LCP2: variants seen among roughly 807,000 people sequenced by gnomAD.
LCP2 encodes the protein lymphocyte cytosolic protein 2, also known as 76 kDa tyrosine phosphoprotein.
Under a neutral mutation model 74.5 loss-of-function variants are expected in LCP2, and 29 were observed. That is an observed-to-expected ratio of 0.39 (90% confidence interval 0.29 to 0.53). The LOEUF is 0.53. Ranked by LOEUF, LCP2 falls within the 20% of genes least tolerant of loss-of-function variation. The pLI, the probability that LCP2 is intolerant of heterozygous loss-of-function variation, is 0.72. For missense variants in LCP2, 604 were observed against 634.6 expected, an observed-to-expected ratio of 0.95 and a Z score of 0.52; for synonymous variants, 228 against 229.5, an observed-to-expected ratio of 0.99 and a Z score of 0.06.
Position 170,256,682 on chromosome 5 carries a change from C to T in LCP2, c.1101-107G>A, listed in dbSNP as rs570067703. 1.3e-6 allele frequency: 1 copy of T among 792,098 alleles called. No individual in the cohort carries two copies. Among genetic ancestry groups the T allele is most frequent in the African/African-American group, 1.7e-5 (1 of 59,172 alleles). 49.1% of individuals were successfully genotyped at this position (792,098 alleles called of 1,614,324 possible). On this transcript the variant is annotated intron_variant, in intron 16 of 20. Transcript: ENST00000046794. This position sits in a 1 kb window ranked among gnomAD's most constrained non-coding sequence, Gnocchi z 4.5. The stretch of plus-strand genomic sequence containing the variant: ...CTGCAAATGCTTCTTGATTTGGTAT[C>T]ACTTTCCCTGCTGCCCCCAAAACCA...
Position 170,253,147 on chromosome 5 carries a change from G to C in LCP2, c.1217C>G (p.Pro406Arg). The C allele has an allele frequency of 6.2e-7, 1 of 1,611,944 alleles. No individual in the cohort carries two copies. The highest frequency in any genetic ancestry group is 8.5e-7 in the Non-Finnish European group (1 of 1,178,950). The change falls in exon 18 of 21, where the codon CCT becomes CGT. Residue 406 changes from proline (P) to arginine (R), a missense_variant. Pro to Arg is a moderately radical substitution (Grantham distance 103, BLOSUM62 -2). Coordinates refer to ENST00000046794, the MANE Select transcript of LCP2 (RefSeq NM_005565.5). ...TTCCTCCGCGGGGGATGGGGGCCGA[G>C]GTTTGTTTGGAAGTGGCAAGGGGAA... ...RNFPLPLPNK[P>R]RPPSPAEEEN...
chr5:170,253,251 A>C (rs1761487416), intron 17 of LCP2, 38 bp from the exon 18 acceptor site: 7 of 1,376,936 alleles, frequency 5.1e-6, no homozygotes, highest in African/African-American at 1.4e-5. Context: ...AATTTACTGT[A>C]AGCTATTGTT....
chr5:170,294,431 C>T (rs181463656), intron 1 of LCP2, among the ~76,000 whole-genome samples: 3 of 152,258 alleles, frequency 2.0e-5, no homozygotes, highest in South Asian at 4.1e-4. Flanking sequence ...TTCAACTTGT[C>T]CTCAACAGCA....
intron 3 of LCP2, among the ~76,000 whole-genome samples, chr5:170,277,474 G>A (rs569219290): frequency 1.9e-4 from 29 of 152,194 alleles, no homozygotes; most frequent in Admixed American, 1.2e-3. Context: ...CAGGCTGGGC[G>A]CGGTGGCTCA....
chr5:170,278,233 A>G (rs759736105), intron 3 of LCP2, among the ~76,000 whole-genome samples: 9 of 147,022 alleles, frequency 6.1e-5, no homozygotes, highest in Non-Finnish European at 1.3e-4. Flanking sequence ...TGCATCAATG[A>G]GCAAAACAAA....
At chr5:170,286,720 T>C (rs2113207472) in intron 3 of LCP2, among the ~76,000 whole-genome samples, 1 of 152,348 alleles carries the variant, frequency 6.6e-6, no homozygotes, top group East Asian at 1.9e-4. Context: ...TCCCTCCCCC[T>C]TCCGGACAAG....
rs769323427 is a variant in LCP2 at position 170,270,922 on chromosome 5, C to G, written c.325-5G>C. 1.2e-6 allele frequency: 2 copies of G among 1,610,650 alleles called. No individual in the cohort carries two copies. Among genetic ancestry groups the G allele is most frequent in the Admixed American group, 3.4e-5 (2 of 59,602 alleles). On this transcript the variant is annotated splice_region_variant and splice_polypyrimidine_tract_variant and intron_variant, in intron 6 of 20. Coordinates refer to ENST00000046794, the MANE Select transcript of LCP2 (RefSeq NM_005565.5). The stretch of plus-strand genomic sequence containing the variant: ...ACTTTCATAATCGTCTTCTTCCTGC[C>G]CACACAGTGATAGGGACAGTGCAGT...
Position 170,268,406 on chromosome 5 carries a change from T to TG in LCP2, c.599dup (p.Pro201ThrfsTer51). 4.3e-6 allele frequency: 2 copies of TG among 466,516 alleles called. No individual in the cohort carries two copies. The highest frequency in any genetic ancestry group is 5.2e-6 in the Non-Finnish European group (2 of 386,232). The allele number at this position is 466,516 out of a possible 1,614,324, so 28.9% of individuals were successfully genotyped here. ...CTACCGAGTGATTCCGGCCGGCTGG[T>TG]GGGGGCGGGAGGGCGGCCATCGGTC... is the stretch of plus-strand genomic sequence containing the variant. On this transcript the variant is annotated frameshift_variant, in exon 8 of 21. Coordinates refer to ENST00000046794, the MANE Select transcript of LCP2 (RefSeq NM_005565.5). LOFTEE classifies it high-confidence loss of function.
intron 3 of LCP2, among the ~76,000 whole-genome samples, chr5:170,276,085 TC>T (rs1762003394): frequency 6.6e-6 from 1 of 152,130 alleles, no homozygotes; most frequent in Non-Finnish European, 1.5e-5. Context: ...AAGCCCTCTC[TC>T]CTCCTTGCTG....
Position 170,250,832 on chromosome 5 carries a change from A to G in LCP2, c.1377T>C (p.Tyr459=), listed in dbSNP as rs768861788. ...DSSKKTTTNP[Y]VLMVLYKDKV... is the part of the protein sequence containing the mutation. ...TATCTTTGTACAACACCATGAGGAC[A>G]TATGGATTGGTTGTTGTTTTTTTAG... The change falls in exon 20 of 21, where the codon TAT becomes TAC. Residue 459 remains tyrosine (Y), a synonymous_variant. Coordinates refer to ENST00000046794, the MANE Select transcript of LCP2 (RefSeq NM_005565.5). 2.5e-6 allele frequency: 4 copies of G among 1,612,934 alleles called. No homozygotes were observed. Among genetic ancestry groups the G allele is most frequent in the South Asian group, 2.2e-5 (2 of 91,054 alleles).
chr5:170,269,076 G>C (rs2113177942), intron 7 of LCP2, among the ~76,000 whole-genome samples: 1 of 152,234 alleles, frequency 6.6e-6, no homozygotes, highest in East Asian at 1.9e-4. Flanking sequence ...TCTCCTCCCT[G>C]ACACTTCCTC....
chr5:170,257,876 G>A (rs540655208), intron 16 of LCP2, among the ~76,000 whole-genome samples, 161 bp downstream of exon 16: 58 of 152,188 alleles, frequency 3.8e-4, no homozygotes, highest in Admixed American at 9.8e-4. Flanking sequence ...TTAACATATC[G>A]TTCTTAATGC....
rs778583028 is a variant in LCP2 at position 170,275,304 on chromosome 5, G to A, written c.286+16C>T. The A allele has an allele frequency of 4.3e-6, 7 of 1,613,940 alleles. No individual in the cohort carries two copies. Among genetic ancestry groups the A allele is most frequent in the Admixed American group, 3.3e-5 (2 of 60,030 alleles). On this transcript the variant is annotated intron_variant, in intron 5 of 20. Coordinates refer to ENST00000046794, the MANE Select transcript of LCP2 (RefSeq NM_005565.5). The stretch of plus-strand genomic sequence containing the variant: ...CACCTCCTAAAGCAATCACCTCTGA[G>A]CCCTGAGAGCTTTACCTGTCTCTTC...
intron 2 of LCP2, among the ~76,000 whole-genome samples, chr5:170,290,391 A>G (rs1437536277): frequency 6.6e-6 from 1 of 152,176 alleles, no homozygotes; most frequent in Admixed American, 6.5e-5. Flanking sequence ...GCTTGTTCAA[A>G]ATATTTAACT....
Position 170,268,396 on chromosome 5 carries a change from G to T in LCP2, c.610C>A (p.Arg204=). Residue 204 remains arginine, a synonymous_variant, in exon 8 of 21, where the codon CGG becomes AGG. Transcript: ENST00000046794. ...GGGAGGAGGCCTACCGAGTGATTCC[G>T]GCCGGCTGGTGGGGGCGGGAGGGCG... ...MAALPPPPAG[R]NHSPLPPPQT... The T allele has an allele frequency of 1.3e-6, 1 of 773,186 alleles. No homozygotes were observed. Among genetic ancestry groups the T allele is most frequent in the Non-Finnish European group, 1.7e-6 (1 of 589,730 alleles). 47.9% of individuals were successfully genotyped at this position (773,186 alleles called of 1,614,324 possible).
At position 170,256,570 on chromosome 5, in the gene LCP2, C is replaced by T. The variant is rs200480027; in HGVS notation, c.1106G>A (p.Ser369Asn). The T allele has an allele frequency of 2.4e-5, 39 of 1,611,412 alleles. No individual in the cohort carries two copies. The African/African-American group carries it at 4.0e-4, about 17-fold the overall frequency. The change falls in exon 17 of 21, where the codon AGC becomes AAC. Residue 369 changes from serine to asparagine, a missense_variant. By Grantham distance (46) the Ser-to-Asn change is conservative (BLOSUM62 1). Transcript: ENST00000046794. This position sits in a 1 kb window ranked among gnomAD's most constrained non-coding sequence, Gnocchi z 4.5. ...CAGGGAGGCACTCTGTGGAAAACTGCTGTTACTGAGGAGACAGAAAAAGAA... is the reference window on the plus strand; with the variant it reads ...CAGGGAGGCACTCTGTGGAAAACTGTTGTTACTGAGGAGACAGAAAAAGAA... ...HMPGAFSESN[S>N]SFPQSASLPP...
chr5:170,267,147 T>C, intron 8 of LCP2, 72 bp from the exon 9 acceptor site: 1 of 1,442,772 alleles, frequency 6.9e-7, no homozygotes, highest in East Asian at 2.3e-5. Context: ...AAAACCTGTC[T>C]GGATCTGCTC....
chr5:170,289,615 CTTTTTCTT>C (rs1279248231), intron 2 of LCP2, among the ~76,000 whole-genome samples: 44 of 126,036 alleles, frequency 3.5e-4, no homozygotes, highest in African/African-American at 1.3e-3. Context: ...TTCTTTCTTT[CTTTTTCTT>C]TCTTTCTTTC....
intron 3 of LCP2, among the ~76,000 whole-genome samples, chr5:170,280,006 G>T (rs1197255297): frequency 6.6e-6 from 1 of 152,122 alleles, no homozygotes; most frequent in African/African-American, 2.4e-5. Context: ...AAGGGGTATA[G>T]AATAGAAAAT....
Sources: gnomAD v4.1 joint callset for allele counts (sites outside exome capture counted in the v4.1 genomes callset) on GRCh38, gnomAD v4.1.1 for gene constraint, Gnocchi (gnomAD v3.1) non-coding constraint, MANE v1.5 for transcripts, NCBI Gene and HGNC (gene_info 2026-07-23, HGNC 2026-07-21) for gene names.